SPATA16: variants seen among roughly 807,000 people sequenced by gnomAD.
SPATA16 encodes the protein spermatogenesis-associated protein 16.
Under a neutral mutation model 63.3 loss-of-function variants are expected in SPATA16, and 36 were observed. That is an observed-to-expected ratio of 0.57 (90% CI 0.44 to 0.75). SPATA16 has a LOEUF of 0.75. Among genes scored for constraint, SPATA16 ranks in the 30% least tolerant of loss-of-function variants. SPATA16 has a pLI of 0.00. For synonymous variants in SPATA16, 203 were observed against 216.7 expected (o/e 0.94, Z 0.56); for missense variants, 646 against 679.3 (o/e 0.95, Z 0.54).
chr3:172,936,401 T>G (rs1055395144), intron 6 of SPATA16, among the ~76,000 whole-genome samples: 2 of 152,218 alleles, frequency 1.3e-5, no homozygotes, highest in Admixed American at 6.5e-5. Context: ...GAGGGTGATA[T>G]TCTCAGAAAA....
intron 4 of SPATA16, among the ~76,000 whole-genome samples, chr3:173,000,763 A>G (rs1471807757): frequency 7.2e-6 from 1 of 138,026 alleles, no homozygotes; most frequent in Non-Finnish European, 1.6e-5. Flanking sequence ...GGAAGTTTTT[A>G]TTGTCATATC....
At chr3:173,035,948 A>G (rs924973472) in intron 3 of SPATA16, among the ~76,000 whole-genome samples, 1 of 147,478 alleles carries the variant, frequency 6.8e-6, no homozygotes, top group African/African-American at 2.6e-5. Flanking sequence ...CATTATGGAC[A>G]CTCAGCCTCT....
intron 5 of SPATA16, among the ~76,000 whole-genome samples, chr3:172,960,323 G>GA (rs1372996736): frequency 6.6e-6 from 1 of 152,206 alleles, no homozygotes; most frequent in Non-Finnish European, 1.5e-5. Flanking sequence ...AGAAAATGGA[G>GA]AAAACAATCA....
At chr3:173,056,943 C>T (rs891274386) in intron 2 of SPATA16, among the ~76,000 whole-genome samples, 1 of 151,824 alleles carries the variant, frequency 6.6e-6, no homozygotes, top group Non-Finnish European at 1.5e-5. Flanking sequence ...CTCAAAATTA[C>T]TACTACCGTG....
chr3:173,136,060 C>G (rs1280630388), intron 1 of SPATA16, among the ~76,000 whole-genome samples: 1 of 152,138 alleles, frequency 6.6e-6, no homozygotes, highest in African/African-American at 2.4e-5. Flanking sequence ...TTTGCATTGT[C>G]TAAGAATATA....
At chr3:172,989,912 T>C (rs1325534638) in intron 4 of SPATA16, among the ~76,000 whole-genome samples, 5 of 152,178 alleles carry the variant, frequency 3.3e-5, no homozygotes, top group African/African-American at 4.8e-5. Context: ...ATAGGTAGTG[T>C]AGGTTTGTGA....
chr3:172,989,022 G>A (rs957947513), intron 4 of SPATA16, among the ~76,000 whole-genome samples: 2 of 152,180 alleles, frequency 1.3e-5, no homozygotes, highest in Admixed American at 1.3e-4. Context: ...GAATTATGAT[G>A]TGCTTAAACT....
intron 2 of SPATA16, among the ~76,000 whole-genome samples, chr3:173,055,987 C>G (rs1312902501): frequency 6.6e-6 from 1 of 151,954 alleles, no homozygotes; most frequent in African/African-American, 2.4e-5. Flanking sequence ...CAATTTTAAT[C>G]ATGTTTAACT....
intron 10 of SPATA16, among the ~76,000 whole-genome samples, chr3:172,892,080 T>C (rs1193094741): frequency 6.6e-6 from 1 of 152,192 alleles, no homozygotes; most frequent in Non-Finnish European, 1.5e-5. Context: ...CATGTGTTTT[T>C]CCATATTTAA....
chr3:173,130,637 A>T (rs1738355156), intron 1 of SPATA16, among the ~76,000 whole-genome samples: 1 of 152,176 alleles, frequency 6.6e-6, no homozygotes, highest in African/African-American at 2.4e-5. Context: ...AAGATAGTAA[A>T]AAATGATCTG....
At chr3:173,123,457 GTT>G (rs548645411) in intron 1 of SPATA16, among the ~76,000 whole-genome samples, 2 of 148,954 alleles carry the variant, frequency 1.3e-5, no homozygotes, top group Admixed American at 1.3e-4. Flanking sequence ...TACTTTAAAA[GTT>G]TTTTTTTTAA....
intron 8 of SPATA16, among the ~76,000 whole-genome samples, chr3:172,916,947 T>C (rs1362017538): frequency 2.0e-5 from 3 of 152,218 alleles, no homozygotes; most frequent in African/African-American, 7.2e-5. Context: ...TGAATTCTGT[T>C]TACCCCAATA....
chr3:173,109,117 C>A (rs913904307), intron 2 of SPATA16, among the ~76,000 whole-genome samples: 2 of 152,130 alleles, frequency 1.3e-5, no homozygotes, highest in African/African-American at 4.8e-5. Context: ...CCTACTAAAC[C>A]CCTCTTCCAT....
intron 2 of SPATA16, among the ~76,000 whole-genome samples, chr3:173,097,815 C>A (rs1737396279): frequency 6.6e-6 from 1 of 152,134 alleles, no homozygotes; most frequent in Non-Finnish European, 1.5e-5. Flanking sequence ...TTATTAAAGA[C>A]AAAGGATACC....
At chr3:172,954,846 G>A (rs1424741857) in intron 6 of SPATA16, among the ~76,000 whole-genome samples, 2 of 152,176 alleles carry the variant, frequency 1.3e-5, no homozygotes, top group Non-Finnish European at 2.9e-5. Context: ...TTTCCACAGA[G>A]CAAAGAACTT....
chr3:172,961,065 T>TC (rs147947230), intron 5 of SPATA16, among the ~76,000 whole-genome samples: 13,622 of 39,980 alleles, frequency 0.34, 1,422 homozygotes, highest in East Asian at 0.38. Context: ...CTTTCTTTCT[T>TC]CTTTCTTCCT....
intron 6 of SPATA16, among the ~76,000 whole-genome samples, chr3:172,950,590 C>A (rs1437023822): frequency 6.6e-6 from 1 of 151,762 alleles, no homozygotes; most frequent in Non-Finnish European, 1.5e-5. Flanking sequence ...GATAAAATTA[C>A]AATAATTTAA....
intron 1 of SPATA16, among the ~76,000 whole-genome samples, chr3:173,131,123 A>G (rs1454250296): frequency 1.3e-5 from 2 of 152,230 alleles, no homozygotes; most frequent in African/African-American, 4.8e-5. Context: ...GATCTCAGCC[A>G]AAGAAAACCA....
intron 5 of SPATA16, among the ~76,000 whole-genome samples, chr3:172,970,473 A>G (rs1009700090): frequency 1.3e-5 from 2 of 152,208 alleles, no homozygotes; most frequent in Non-Finnish European, 2.9e-5. Flanking sequence ...TTTCTTCTGC[A>G]TATGACCTAG....
Sources: allele counts gnomAD v4.1 joint callset (sites outside exome capture counted in the v4.1 genomes callset), GRCh38; gene constraint gnomAD v4.1.1; transcripts MANE v1.5; gene names NCBI Gene and HGNC (gene_info 2026-07-23, HGNC 2026-07-21).